OPCML: variants seen among roughly 807,000 people sequenced by gnomAD.
The protein encoded by OPCML is opioid binding protein/cell adhesion molecule like, also known as opioid-binding protein/cell adhesion molecule.
A neutral mutation model predicts 37.8 loss-of-function variants in OPCML; 13 were observed. That is an observed-to-expected ratio of 0.34 (90% CI 0.22 to 0.55). The LOEUF is 0.55. OPCML is among the 20% of genes least tolerant of loss of function. The pLI is 0.91. For missense variants in OPCML, 341 were observed against 435.6 expected (o/e 0.78, Z 1.93); for synonymous variants, 176 against 168.8 (o/e 1.04, Z -0.33).
rs147010924 is a variant in OPCML at position 133,397,466 on chromosome 11, C to T, written c.61+134798G>A. On this transcript the variant is annotated intron_variant, in intron 1 of 7. Transcript: ENST00000524381. ...TTGTATTTGTAGCTTATGTACTGAG[C>T]GGACTTCAGATAGTCCTGCTTTGTA... Among the ~76,000 whole-genome samples the T allele has an allele frequency of 5.3e-4, 81 of 152,288 alleles. 1 individual carries two copies. Among genetic ancestry groups the T allele is most frequent in the African/African-American group, 1.8e-3 (73 of 41,558 alleles).
At position 133,208,136 on chromosome 11, in the gene OPCML, G is replaced by A. The variant is rs1045253169; in HGVS notation, c.62-265126C>T. ...ATTTATTGTAATAGCTTATTTAGCTGTTGGTCTTCCTTACTGTATTATACA... is the reference window on the plus strand; with the variant it reads ...ATTTATTGTAATAGCTTATTTAGCTATTGGTCTTCCTTACTGTATTATACA... On this transcript the variant is annotated intron_variant, in intron 1 of 7. Transcript: ENST00000524381. The surrounding 1 kb of genome is among the most constrained non-coding windows in gnomAD (Gnocchi z 8.9). 3.9e-5 allele frequency among the ~76,000 whole-genome samples: 6 copies of A among 152,132 alleles called. No homozygotes were observed. The highest frequency in any genetic ancestry group is 9.7e-5 in the African/African-American group (4 of 41,426).
intron 1 of OPCML, among the ~76,000 whole-genome samples, chr11:133,391,448 G>C (rs1196317417): frequency 6.6e-6 from 1 of 152,160 alleles, no homozygotes; most frequent in Non-Finnish European, 1.5e-5. Context: ...AGAAACATTA[G>C]AAGTGGAAGT....
intron 2 of OPCML, among the ~76,000 whole-genome samples, chr11:132,675,878 A>G (rs1942679133): frequency 6.6e-6 from 1 of 152,164 alleles, no homozygotes; most frequent in Admixed American, 6.6e-5. Context: ...AAACTGTTCT[A>G]CAGAGTCGAT....
intron 3 of OPCML, among the ~76,000 whole-genome samples, chr11:132,601,121 T>C (rs1937858241): frequency 6.6e-6 from 1 of 152,160 alleles, no homozygotes. Flanking sequence ...AATGACTATT[T>C]GGGGTTAAAA....
At chr11:133,348,901 G>T (rs965090662) in intron 1 of OPCML, among the ~76,000 whole-genome samples, 1 of 152,152 alleles carries the variant, frequency 6.6e-6, no homozygotes, top group Non-Finnish European at 1.5e-5. Context: ...TCTGCAGTCT[G>T]CTGGGAGAGG....
chr11:132,740,054 C>T (rs923068971), intron 2 of OPCML, among the ~76,000 whole-genome samples: 1 of 152,152 alleles, frequency 6.6e-6, no homozygotes, highest in Non-Finnish European at 1.5e-5. Flanking sequence ...TGAATCTAAC[C>T]TGTCACTTCT....
chr11:133,420,505 T>G (rs1017321582), intron 1 of OPCML: 1 of 983,924 alleles, frequency 1.0e-6, no homozygotes, highest in African/African-American at 1.7e-5. Flanking sequence ...TTTTCTGGCC[T>G]CATTGGTGTT....
At chr11:132,930,825 T>C (rs1945174742) in intron 2 of OPCML, among the ~76,000 whole-genome samples, 1 of 152,146 alleles carries the variant, frequency 6.6e-6, no homozygotes, top group Admixed American at 6.6e-5. Context: ...CTAAAATTTA[T>C]ATGAAATCTC....
chr11:133,125,442 C>A (rs1020844137), intron 1 of OPCML, among the ~76,000 whole-genome samples: 1 of 151,778 alleles, frequency 6.6e-6, no homozygotes, highest in African/African-American at 2.4e-5. Flanking sequence ...TACAGAATCA[C>A]TACTTTTCAC....
chr11:133,476,027 T>C (rs1309754025), intron 1 of OPCML, among the ~76,000 whole-genome samples: 1 of 152,118 alleles, frequency 6.6e-6, no homozygotes, highest in African/African-American at 2.4e-5. Context: ...TTCAAAAGCT[T>C]CTAAGGACCA....
At chr11:132,745,019 G>A (rs1251788790) in intron 2 of OPCML, among the ~76,000 whole-genome samples, 2 of 151,656 alleles carry the variant, frequency 1.3e-5, no homozygotes, top group Non-Finnish European at 2.9e-5. Flanking sequence ...CACACCCCTG[G>A]GAGAAATGTC....
intron 1 of OPCML, among the ~76,000 whole-genome samples, chr11:133,320,295 G>A (rs187337235): frequency 5.7e-4 from 86 of 151,992 alleles, no homozygotes; most frequent in Non-Finnish European, 9.0e-4. Flanking sequence ...CTTACCCATC[G>A]CCCCTCCTAT....
chr11:133,437,350 C>G (rs1460204932), intron 1 of OPCML, among the ~76,000 whole-genome samples: 1 of 152,148 alleles, frequency 6.6e-6, no homozygotes, highest in African/African-American at 2.4e-5. Flanking sequence ...CCTCCACTTT[C>G]TCTCTGGGCA....
chr11:132,792,346 A>T (rs984909219), intron 2 of OPCML, among the ~76,000 whole-genome samples: 2 of 152,128 alleles, frequency 1.3e-5, no homozygotes, highest in Non-Finnish European at 2.9e-5. Context: ...ATACACTTTG[A>T]TCTATTTTTA....
At chr11:132,570,755 G>GTATATATATATATATATA (rs71477765) in intron 3 of OPCML, among the ~76,000 whole-genome samples, 2 of 30,112 alleles carry the variant, frequency 6.6e-5, no homozygotes, top group African/African-American at 1.1e-4. Flanking sequence ...AGGAAAGAGA[G>GTATATATATATATATATA]TATATATATA....
At chr11:133,083,144 GCACA>G (rs139577478) in intron 1 of OPCML, among the ~76,000 whole-genome samples, 4 of 149,358 alleles carry the variant, frequency 2.7e-5, no homozygotes, top group Non-Finnish European at 3.0e-5. Context: ...GCACACACAC[GCACA>G]CACACACACG....
intron 2 of OPCML, among the ~76,000 whole-genome samples, chr11:132,935,365 C>T (rs181531574): frequency 9.2e-5 from 14 of 152,104 alleles, no homozygotes; most frequent in African/African-American, 2.7e-4. Flanking sequence ...TCTGCAACAA[C>T]GTTGTTTTCT....
chr11:132,534,151 T>G (rs185406448), intron 3 of OPCML, among the ~76,000 whole-genome samples: 150 of 152,252 alleles, frequency 9.9e-4, no homozygotes, highest in Middle Eastern at 3.4e-3. Flanking sequence ...TTTTTTTTTC[T>G]GGGCTCAGTT....
chr11:132,469,091 G>A lies in OPCML; in HGVS notation c.506-31732C>T, dbSNP rs74997089. ...TCTGAATTTTATTCATTAGACAAAT[G>A]TGTTGAACACCTTCTCTGTTCTGAG... On this transcript the variant is annotated intron_variant, in intron 4 of 7. Transcript: ENST00000524381. 3.5e-3 allele frequency among the ~76,000 whole-genome samples: 529 copies of A among 152,302 alleles called. 5 individuals are homozygous for A. Among genetic ancestry groups the A allele is most frequent in the African/African-American group, 0.011 (470 of 41,564 alleles).
Sources: allele counts gnomAD v4.1 joint callset (sites outside exome capture counted in the v4.1 genomes callset), GRCh38; gene constraint gnomAD v4.1.1; non-coding constraint Gnocchi (gnomAD v3.1); transcripts MANE v1.5; gene names NCBI Gene and HGNC (gene_info 2026-07-23, HGNC 2026-07-21).